The following PRDM11 variants were observed in gnomAD, a reference collection of about 807,000 sequenced individuals.
PRDM11 encodes the protein PR domain-containing protein 11.
A neutral mutation model predicts 97.8 loss-of-function variants in PRDM11; 20 were observed. The ratio of observed to expected loss-of-function variants is 0.20; its 90% CI spans 0.14 to 0.30. The LOEUF (loss-of-function observed/expected upper bound fraction) is 0.30. Ranked by LOEUF, PRDM11 falls within the 10% of genes least tolerant of loss-of-function variation. The pLI is 1.00. For missense variants in PRDM11, 1,139 were observed against 1,555.2 expected (o/e 0.73, Z 4.50); for synonymous variants, 599 against 637.7 (o/e 0.94, Z 0.91).
chr11:45,122,385 A>G (rs1852454948), intron 1 of PRDM11, among the ~76,000 whole-genome samples: 1 of 151,782 alleles, frequency 6.6e-6, no homozygotes, highest in Admixed American at 6.6e-5. Flanking sequence ...ACACATGTAT[A>G]CCATGTATAC....
chr11:45,100,865 G>C (rs553394299), intron 1 of PRDM11, among the ~76,000 whole-genome samples: 1 of 152,338 alleles, frequency 6.6e-6, no homozygotes, highest in South Asian at 2.1e-4. Context: ...AACTGGGTTA[G>C]TCCCACTTCT....
chr11:45,133,232 C>T (rs773139199), intron 1 of PRDM11, among the ~76,000 whole-genome samples: 1 of 152,202 alleles, frequency 6.6e-6, no homozygotes, highest in African/African-American at 2.4e-5. Flanking sequence ...CAACTCATTC[C>T]AATCTGCTAT....
chr11:45,213,357 G>A (rs1387672637), intron 5 of PRDM11: 1 of 452,726 alleles, frequency 2.2e-6, no homozygotes, highest in South Asian at 1.6e-5. Context: ...GGGCGCAACA[G>A]TGGGGAGCAT....
intron 4 of PRDM11, among the ~76,000 whole-genome samples, chr11:45,193,244 C>T (rs1344868276): frequency 6.6e-6 from 1 of 152,196 alleles, no homozygotes; most frequent in African/African-American, 2.4e-5. Flanking sequence ...ACCCATCTAT[C>T]TTTGTTATTG....
At chr11:45,146,115 C>T (rs1029827922), upstream of PRDM11, among the ~76,000 whole-genome samples, 3 of 152,234 alleles carry the variant, frequency 2.0e-5, no homozygotes, top group African/African-American at 7.2e-5. Flanking sequence ...GAACCCCAAG[C>T]CCCTCACCCT....
intron 4 of PRDM11, among the ~76,000 whole-genome samples, chr11:45,185,216 G>C (rs565127522): frequency 6.6e-6 from 1 of 152,352 alleles, no homozygotes; most frequent in South Asian, 2.1e-4. Context: ...CCAGCCTCCT[G>C]TCCCCGGACA....
intron 1 of PRDM11, among the ~76,000 whole-genome samples, chr11:45,101,081 G>C (rs900877928): frequency 6.6e-6 from 1 of 152,090 alleles, no homozygotes; most frequent in Non-Finnish European, 1.5e-5. Flanking sequence ...CTTTAGCCAG[G>C]GAAAGCAGCT....
At chr11:45,160,271 C>G (rs1473914784) in intron 1 of PRDM11, among the ~76,000 whole-genome samples, 1 of 152,074 alleles carries the variant, frequency 6.6e-6, no homozygotes. Context: ...CTCATTGGAT[C>G]TTTTAATTTT....
At chr11:45,175,592 T>C (rs577617755) in intron 1 of PRDM11, among the ~76,000 whole-genome samples, 1 of 152,380 alleles carries the variant, frequency 6.6e-6, no homozygotes, top group South Asian at 2.1e-4. Flanking sequence ...TTTCCTATTT[T>C]TTGCTTTTAA....
rs560895198 is a variant in PRDM11 at position 45,228,178 on chromosome 11, T to C, written c.*19T>C. 162 of 1,464,302 alleles carry C rather than the reference T, an allele frequency of 1.1e-4. 2 individuals are homozygous for C. The South Asian group carries it at 1.6e-3, about 14-fold the overall frequency. The allele number at this position is 1,464,302 out of a possible 1,614,324, so 90.7% of individuals were successfully genotyped here. A position where few individuals can be genotyped will look rare whatever the true frequency, so the allele number is the denominator to read the frequency against. Reference sequence around the variant, plus strand: ...CATTTAGGGAGCTGGCGCTGCAGAGTTCACTAAGCTGTTGAATATTTTTTT... The same window carrying C: ...CATTTAGGGAGCTGGCGCTGCAGAGCTCACTAAGCTGTTGAATATTTTTTT... On this transcript the variant is annotated 3_prime_UTR_variant, in exon 8 of 8. Coordinates refer to ENST00000683152, the MANE Select transcript of PRDM11 (RefSeq NM_001384648.1).
chr11:45,182,796 T>TC (rs1301448775), intron 3 of PRDM11, 65 bp from the exon 4 acceptor site: 43 of 1,493,288 alleles, frequency 2.9e-5, no homozygotes, highest in Non-Finnish European at 3.9e-5. Flanking sequence ...CCCCTCTACC[T>TC]CCCCCATGGG....
At chr11:45,134,701 G>GAAAAA (rs1191008824) in intron 1 of PRDM11, among the ~76,000 whole-genome samples, 344 of 44,254 alleles carry the variant, frequency 7.8e-3, no homozygotes, top group East Asian at 0.04. Context: ...CCTGTCTCAC[G>GAAAAA]AAAAAAAAAA....
chr11:45,099,129 A>G (rs1009879922), intron 1 of PRDM11, among the ~76,000 whole-genome samples: 1 of 152,126 alleles, frequency 6.6e-6, no homozygotes, highest in East Asian at 1.9e-4. Context: ...CAGGAATGGC[A>G]CGCGATGCCT....
Position 45,173,359 on chromosome 11 carries a change from C to T in PRDM11, c.-6-8402C>T, listed in dbSNP as rs1051918068. On this transcript the variant is annotated intron_variant, in intron 1 of 7. Coordinates refer to ENST00000683152, the MANE Select transcript of PRDM11 (RefSeq NM_001384648.1). ...AGTTCTGGCTGGGCGCGGTAGCTCA[C>T]GCCTGTAATCCCAGCACTTTAGGAG... is the stretch of plus-strand genomic sequence containing the variant. Among the ~76,000 whole-genome samples, 4 of 152,090 alleles carry T rather than the reference C, an allele frequency of 2.6e-5. No homozygotes were observed. In the East Asian group the frequency reaches 5.8e-4, roughly 22 times the overall value.
At chr11:45,156,940 C>A (rs572791641) in intron 1 of PRDM11, among the ~76,000 whole-genome samples, 1 of 152,080 alleles carries the variant, frequency 6.6e-6, no homozygotes, top group Non-Finnish European at 1.5e-5. Context: ...GAATGGCAAG[C>A]GGTCATGGGT....
chr11:45,098,847 C>T (rs1015040787), intron 1 of PRDM11, among the ~76,000 whole-genome samples: 5 of 152,028 alleles, frequency 3.3e-5, no homozygotes, highest in African/African-American at 7.3e-5. Context: ...GGAAGGCGGG[C>T]GAAGGTGAGG....
chr11:45,106,639 C>A (rs574316857), intron 1 of PRDM11, among the ~76,000 whole-genome samples: 11 of 152,190 alleles, frequency 7.2e-5, no homozygotes, highest in Non-Finnish European at 1.6e-4. Flanking sequence ...GTGGCAGGAA[C>A]CCTCTGGTGG....
intron 1 of PRDM11, among the ~76,000 whole-genome samples, chr11:45,115,169 A>C (rs1324866754): frequency 1.3e-5 from 2 of 151,700 alleles, no homozygotes; most frequent in Admixed American, 6.6e-5. Flanking sequence ...GTGTATGTCT[A>C]TATATATATA....
At chr11:45,113,334 A>G (rs1852225186) in intron 1 of PRDM11, among the ~76,000 whole-genome samples, 1 of 152,160 alleles carries the variant, frequency 6.6e-6, no homozygotes, top group Non-Finnish European at 1.5e-5. Context: ...TACCAGTACT[A>G]CACTGTTTTG....
Sources: gnomAD v4.1 joint callset for allele counts (sites outside exome capture counted in the v4.1 genomes callset) on GRCh38, gnomAD v4.1.1 for gene constraint, MANE v1.5 for transcripts, NCBI Gene and HGNC (gene_info 2026-07-23, HGNC 2026-07-21) for gene names.